OR10J1: variants seen among roughly 807,000 people sequenced by gnomAD.
The protein encoded by OR10J1 is olfactory receptor family 10 subfamily J member 1, also known as olfactory receptor 10J1.
For missense variants in OR10J1, 474 were observed against 376.6 expected (o/e 1.26, Z -2.14); for synonymous variants, 202 against 143.8 (o/e 1.40, Z -2.89).
the OR10J1 span, among the ~76,000 whole-genome samples, chr1:159,425,425 G>T: frequency 1.3e-5 from 2 of 151,964 alleles, no homozygotes; most frequent in Non-Finnish European, 2.9e-5. Flanking sequence ...TAACTAGAAG[G>T]CTAAATAAAT....
the OR10J1 span, among the ~76,000 whole-genome samples, chr1:159,425,781 G>A: frequency 6.6e-6 from 1 of 151,994 alleles, no homozygotes; most frequent in Non-Finnish European, 1.5e-5. Flanking sequence ...AATGAGCTAG[G>A]AAGTCAAGAG....
the OR10J1 span, among the ~76,000 whole-genome samples, chr1:159,397,710 T>C: frequency 6.6e-6 from 1 of 152,102 alleles, no homozygotes; most frequent in Non-Finnish European, 1.5e-5. Flanking sequence ...TGTCTTGTGG[T>C]TTCCGTGCCA....
chr1:159,416,602 G>T, the OR10J1 span, among the ~76,000 whole-genome samples: 6 of 151,894 alleles, frequency 4.0e-5, no homozygotes, highest in Admixed American at 3.9e-4. Flanking sequence ...CTCATACAAT[G>T]AGTTAGAGAA....
At chr1:159,435,616 G>A (rs1045027052), upstream of OR10J1, among the ~76,000 whole-genome samples, 8 of 152,168 alleles carry the variant, frequency 5.3e-5, no homozygotes, top group Admixed American at 3.9e-4. Context: ...TGTGGAAGAT[G>A]GTGTGAGAGT....
chr1:159,428,001 T>C, the OR10J1 span, among the ~76,000 whole-genome samples: 1 of 152,128 alleles, frequency 6.6e-6, no homozygotes, highest in African/African-American at 2.4e-5. Flanking sequence ...TAACAGACCA[T>C]TTATGATAAA....
chr1:159,406,267 G>T, the OR10J1 span: 1 of 528,344 alleles, frequency 1.9e-6, no homozygotes, highest in South Asian at 1.4e-5. Context: ...CAGGTACAAA[G>T]TTAGAAAGAC....
At chr1:159,413,230 C>T in the OR10J1 span, among the ~76,000 whole-genome samples, 143 of 152,262 alleles carry the variant, frequency 9.4e-4, 1 homozygote, top group African/African-American at 2.1e-3. Flanking sequence ...AACACTTTTA[C>T]ACTGTTGGTG....
the OR10J1 span, among the ~76,000 whole-genome samples, chr1:159,410,070 C>T: frequency 6.6e-6 from 1 of 152,068 alleles, no homozygotes; most frequent in Non-Finnish European, 1.5e-5. Context: ...GGTGGATAAG[C>T]TTTTTGATGT....
At chr1:159,433,888 G>C (rs948004369), upstream of OR10J1, among the ~76,000 whole-genome samples, 1 of 152,120 alleles carries the variant, frequency 6.6e-6, no homozygotes, top group Non-Finnish European at 1.5e-5. Context: ...TTATTAAAAG[G>C]AAGAAAGAAG....
At position 159,439,878 on chromosome 1, in the gene OR10J1, C is replaced by A. The variant is rs116409990; in HGVS notation, c.87C>A (p.Gly29=). 6.2e-7 allele frequency: 1 copy of A among 1,614,142 alleles called. No homozygotes were observed. The highest frequency in any genetic ancestry group is 2.2e-5 in the East Asian group (1 of 44,886). The change falls in exon 1 of 1, where the codon GGC becomes GGA. Residue 29 remains glycine, a synonymous_variant. Transcript: ENST00000423932. Reference sequence around the variant, plus strand: ...ATGAGCAGCAGATCACCCTTTTTGGCGTGTTCCTTGCACTATACATCTTAA... The same window carrying A: ...ATGAGCAGCAGATCACCCTTTTTGGAGTGTTCCTTGCACTATACATCTTAA... ...SFHEQQITLF[G]VFLALYILTL... is the part of the protein sequence containing the mutation.
At chr1:159,439,113 G>A (rs1032104629), upstream of OR10J1, among the ~76,000 whole-genome samples, 25 of 152,188 alleles carry the variant, frequency 1.6e-4, no homozygotes, top group African/African-American at 6.0e-4. Context: ...CAGAAGTGGG[G>A]AGAGGCTGGT....
the OR10J1 span, among the ~76,000 whole-genome samples, chr1:159,422,267 T>A: frequency 6.6e-6 from 1 of 151,916 alleles, no homozygotes; most frequent in Non-Finnish European, 1.5e-5. Context: ...GACAGGGTGA[T>A]CCCTAGGCCC....
chr1:159,401,394 T>C, the OR10J1 span, among the ~76,000 whole-genome samples: 15 of 151,882 alleles, frequency 9.9e-5, no homozygotes, highest in East Asian at 1.7e-3. Flanking sequence ...TCTAAATAAA[T>C]AAAATCAGAA....
the OR10J1 span, among the ~76,000 whole-genome samples, chr1:159,402,656 A>T: frequency 6.6e-6 from 1 of 152,096 alleles, no homozygotes; most frequent in Non-Finnish European, 1.5e-5. Context: ...TGGGTGGAAG[A>T]ATCAATATTG....
the OR10J1 span, among the ~76,000 whole-genome samples, chr1:159,413,895 G>A: frequency 4.6e-5 from 7 of 151,690 alleles, no homozygotes; most frequent in Admixed American, 6.6e-5. Flanking sequence ...TATATTGCTT[G>A]TTTTTATTAA....
At chr1:159,439,084 C>CAGACTTCCATCACTCAGACAGAAGTGGGG, upstream of OR10J1, among the ~76,000 whole-genome samples, 1 of 152,322 alleles carries the variant, frequency 6.6e-6, no homozygotes, top group African/African-American at 2.4e-5. Flanking sequence ...GAACTGTCAG[C>CAGACTTCCATCACTCAGACAGAAGTGGGG]AGACTTCCAT....
chr1:159,419,892 C>T, the OR10J1 span, among the ~76,000 whole-genome samples: 2 of 152,084 alleles, frequency 1.3e-5, no homozygotes, highest in Non-Finnish European at 2.9e-5. Flanking sequence ...ACTTTTCCTT[C>T]TGGATGATCT....
chr1:159,437,241 T>C (rs551875441), upstream of OR10J1, among the ~76,000 whole-genome samples: 2 of 152,276 alleles, frequency 1.3e-5, no homozygotes, highest in South Asian at 4.1e-4. Flanking sequence ...AATCTTTGGA[T>C]CTAAAGATGG....
chr1:159,440,516 C>A lies in OR10J1; in HGVS notation c.725C>A (p.Ser242Tyr). 6.2e-7 allele frequency: 1 copy of A among 1,614,084 alleles called. No homozygotes were observed. Among genetic ancestry groups the A allele is most frequent in the East Asian group, 2.2e-5 (1 of 44,882 alleles). Residue 242 changes from serine (S) to tyrosine (Y), a missense_variant, in exon 1 of 1, where the codon TCC (serine) becomes TAC (tyrosine). Ser to Tyr is a moderately radical substitution (Grantham distance 144). Coordinates refer to ENST00000423932, the MANE Select transcript of OR10J1 (RefSeq NM_012351.3). The stretch of plus-strand genomic sequence containing the variant: ...AAGAAGGCTTTTGCCACCTGTGCAT[C>A]CCACCTCACTGTGGTCATTGTCCAC... ...GRKKAFATCA[S>Y]HLTVVIVHYS... is the part of the protein sequence containing the mutation.
Sources: gnomAD v4.1 joint callset for allele counts (sites outside exome capture counted in the v4.1 genomes callset) on GRCh38, gnomAD v4.1.1 for gene constraint, MANE v1.5 for transcripts, NCBI Gene and HGNC (gene_info 2026-07-23, HGNC 2026-07-21) for gene names.